MEF2A: variants seen among roughly 807,000 people sequenced by gnomAD.
The protein encoded by MEF2A is myocyte enhancer factor 2A.
MEF2A carries 28 observed loss-of-function variants against 55.8 expected under a neutral mutation model. That is an observed-to-expected ratio of 0.50 (90% CI 0.37 to 0.69). MEF2A has a LOEUF of 0.69. Among genes scored for constraint, MEF2A ranks in the 30% least tolerant of loss-of-function variants. The pLI is 0.00. For missense variants in MEF2A, 528 were observed against 626.2 expected (o/e 0.84, Z 1.67); for synonymous variants, 239 against 227.1 (o/e 1.05, Z -0.47).
At chr15:99,667,569 C>T (rs12438623) in intron 4 of MEF2A, among the ~76,000 whole-genome samples, 51,248 of 151,880 alleles carry the variant, frequency 0.34, 10,690 homozygotes, top group Middle Eastern at 0.48. Flanking sequence ...GAACATGAGT[C>T]AAAAATTTTA....
At chr15:99,613,694 A>G (rs961708150) in intron 2 of MEF2A, among the ~76,000 whole-genome samples, 4 of 152,228 alleles carry the variant, frequency 2.6e-5, no homozygotes, top group African/African-American at 9.6e-5. Context: ...GGATTGGGAA[A>G]TGGAGACCTT....
chr15:99,586,913 C>T (rs1273031277), intron 1 of MEF2A, among the ~76,000 whole-genome samples: 1 of 152,144 alleles, frequency 6.6e-6, no homozygotes, highest in Admixed American at 6.5e-5. Context: ...ATTACCTTGA[C>T]ATCTTTGTTG....
chr15:99,566,995 AAAGT>A (rs1319607479), intron 1 of MEF2A, among the ~76,000 whole-genome samples: 3 of 152,250 alleles, frequency 2.0e-5, no homozygotes, highest in African/African-American at 4.8e-5. Context: ...TGTGAGGGTT[AAAGT>A]AAGTGAGATA....
chr15:99,671,500 T>C lies in MEF2A; in HGVS notation c.390+46T>C, dbSNP rs769389114. On this transcript the variant is annotated intron_variant, in intron 5 of 11. Coordinates refer to ENST00000557942, the MANE Select transcript of MEF2A (RefSeq NM_001319206.4). ...TCTACTTTTTATTTGTTGATCCTTT[T>C]TGTTAACTTCATTATTTAGGCTCTG... 13 of 1,613,820 alleles carry C rather than the reference T, an allele frequency of 8.1e-6. No homozygotes were observed. The African/African-American group carries it at 1.5e-4, about 18-fold the overall frequency.
chr15:99,623,597 T>C (rs935442855), intron 2 of MEF2A, among the ~76,000 whole-genome samples: 6 of 152,194 alleles, frequency 3.9e-5, no homozygotes, highest in African/African-American at 9.7e-5. Flanking sequence ...TGAATGGATG[T>C]GAAATGGCAT....
intron 9 of MEF2A, among the ~76,000 whole-genome samples, chr15:99,705,915 A>C (rs1475698415): frequency 6.6e-6 from 1 of 152,232 alleles, no homozygotes; most frequent in African/African-American, 2.4e-5. Flanking sequence ...ATTTTCAAAA[A>C]CCGTTACCTT....
intron 7 of MEF2A, among the ~76,000 whole-genome samples, chr15:99,688,140 A>G (rs2054661339): frequency 6.6e-6 from 1 of 152,176 alleles, no homozygotes; most frequent in African/African-American, 2.4e-5. Flanking sequence ...CCACACTGTA[A>G]TCTCTGTTTT....
chr15:99,646,730 C>T (rs1409315729), intron 4 of MEF2A, among the ~76,000 whole-genome samples: 2 of 152,030 alleles, frequency 1.3e-5, no homozygotes, highest in African/African-American at 4.8e-5. Context: ...TATTTGCCTC[C>T]TCAAGTTGTT....
chr15:99,620,358 T>G (rs1371510516), intron 2 of MEF2A, among the ~76,000 whole-genome samples: 1 of 152,194 alleles, frequency 6.6e-6, no homozygotes, highest in East Asian at 1.9e-4. Flanking sequence ...CTCCCTCTAG[T>G]AGTCTCCAGT....
chr15:99,610,978 A>G (rs1045983492), intron 2 of MEF2A, among the ~76,000 whole-genome samples: 6 of 152,282 alleles, frequency 3.9e-5, no homozygotes, highest in Admixed American at 2.6e-4. Flanking sequence ...GCGTTGGCTC[A>G]TGCCTATAAT....
At chr15:99,612,736 A>G (rs928745486) in intron 2 of MEF2A, among the ~76,000 whole-genome samples, 2 of 152,178 alleles carry the variant, frequency 1.3e-5, no homozygotes, top group African/African-American at 2.4e-5. Flanking sequence ...ACAGTGGTGT[A>G]CTTCTAATAA....
intron 2 of MEF2A, among the ~76,000 whole-genome samples, chr15:99,622,024 C>T (rs2153275729): frequency 6.6e-6 from 1 of 152,216 alleles, no homozygotes; most frequent in African/African-American, 2.4e-5. Context: ...CAACAAGTTT[C>T]TTTAAAACAG....
chr15:99,706,942 T>G, intron 10 of MEF2A, 87 bp downstream of exon 10: 1 of 1,419,956 alleles, frequency 7.0e-7, no homozygotes, highest in South Asian at 1.4e-5. Context: ...TTAAGTATAT[T>G]TATTGAAATA....
At chr15:99,662,706 G>A (rs977689670) in intron 4 of MEF2A, among the ~76,000 whole-genome samples, 2 of 152,144 alleles carry the variant, frequency 1.3e-5, no homozygotes, top group Non-Finnish European at 2.9e-5. Context: ...TCAAACTCCT[G>A]ACCTAAAGTG....
chr15:99,662,909 A>G (rs1025926830), intron 4 of MEF2A, among the ~76,000 whole-genome samples: 1 of 152,278 alleles, frequency 6.6e-6, no homozygotes, highest in Admixed American at 6.5e-5. Flanking sequence ...TGGGTGGTCA[A>G]ATTTTTTGTG....
At chr15:99,656,805 A>T (rs760021900) in intron 4 of MEF2A, among the ~76,000 whole-genome samples, 2 of 152,118 alleles carry the variant, frequency 1.3e-5, no homozygotes, top group Non-Finnish European at 2.9e-5. Context: ...TTTAAATGAG[A>T]TATAATTCGT....
intron 10 of MEF2A, 52 bp downstream of exon 10, chr15:99,706,907 T>C: frequency 1.9e-6 from 3 of 1,574,876 alleles, no homozygotes; most frequent in Non-Finnish European, 2.6e-6. Flanking sequence ...TGTTTTGTGA[T>C]CAACGTGTGC....
At chr15:99,634,414 G>T (rs991667266) in intron 3 of MEF2A, among the ~76,000 whole-genome samples, 48 of 152,126 alleles carry the variant, frequency 3.2e-4, no homozygotes, top group African/African-American at 1.1e-3. Context: ...ATCATTCCAA[G>T]CAAGGCTGCA....
intron 1 of MEF2A, among the ~76,000 whole-genome samples, chr15:99,568,313 G>C (rs1346133033): frequency 6.6e-6 from 1 of 152,126 alleles, no homozygotes; most frequent in East Asian, 1.9e-4. Flanking sequence ...TTTCATATGG[G>C]TATGTGTGAC....
Sources: allele counts gnomAD v4.1 joint callset (sites outside exome capture counted in the v4.1 genomes callset), GRCh38; gene constraint gnomAD v4.1.1; transcripts MANE v1.5; gene names NCBI Gene and HGNC (gene_info 2026-07-23, HGNC 2026-07-21).